The following CDK11B variants were observed in gnomAD, a reference collection of about 807,000 sequenced individuals.
CDK11B encodes the protein cyclin-dependent kinase 11B.
CDK11B carries 37 observed loss-of-function variants against 84.0 expected under a neutral mutation model. That is an observed-to-expected ratio of 0.44 (90% CI 0.34 to 0.58). The LOEUF (loss-of-function observed/expected upper bound fraction) is 0.58, where lower values mean the gene tolerates loss of function less well. Ranked by LOEUF, CDK11B falls within the 20% of genes least tolerant of loss-of-function variation. The probability of loss-of-function intolerance (pLI) is 0.02; values close to 1 mark genes in which losing one functional copy is unlikely to be tolerated. For missense variants in CDK11B, 427 were observed against 834.0 expected (o/e 0.51, Z 6.01); for synonymous variants, 269 against 309.8 (o/e 0.87, Z 1.38).
At chr1:1,646,729 G>T (rs772152810) in intron 5 of CDK11B, 4 of 519,912 alleles carry the variant, frequency 7.7e-6, no homozygotes, top group Non-Finnish European at 1.5e-5. Flanking sequence ...ACCAGTCTCT[G>T]CTTCTCAGGG....
chr1:1,652,048 C>T (rs1410591890), intron 4 of CDK11B, among the ~76,000 whole-genome samples: 3 of 151,840 alleles, frequency 2.0e-5, no homozygotes, highest in African/African-American at 7.2e-5. Context: ...CTGTGACACA[C>T]GCATGCTTTT....
intron 11 of CDK11B, among the ~76,000 whole-genome samples, chr1:1,638,853 C>T (rs1252167869): frequency 6.6e-6 from 1 of 151,956 alleles, no homozygotes; most frequent in Admixed American, 6.6e-5. Flanking sequence ...GTAATTCCAG[C>T]ACTTTGGGAG....
Position 1,654,219 on chromosome 1 carries a change from G to A in CDK11B, c.227+1150C>T, listed in dbSNP as rs183443787. 1.1e-3 allele frequency: 486 copies of A among 449,854 alleles called. 1 individual carries two copies. The highest frequency in any genetic ancestry group is 1.9e-3 in the Non-Finnish European group (420 of 224,932). The allele number at this position is 449,854 out of a possible 1,614,324, so 27.9% of individuals were successfully genotyped here. ...AGCTAGATATGAGAAGAAAACAAACGAGAAACAGTTCATGGCACAGGAAGA... is the reference window on the plus strand; with the variant it reads ...AGCTAGATATGAGAAGAAAACAAACAAGAAACAGTTCATGGCACAGGAAGA... On this transcript the variant is annotated intron_variant, in intron 3 of 19. Transcript: ENST00000341832.
At position 1,650,370 on chromosome 1, in the gene CDK11B, C is replaced by CTTT. The variant is rs1214383150; in HGVS notation, c.356-736_356-734dup. 8.1e-4 allele frequency among the ~76,000 whole-genome samples: 98 copies of CTTT among 120,542 alleles called. 5 individuals carry two copies. The highest frequency in any genetic ancestry group is 2.7e-3 in the African/African-American group (83 of 30,440). 79.1% of individuals were successfully genotyped at this position (120,542 alleles called of 152,430 possible). ...AGTAATCCTAATTTTTCTTTTTTTT[C>CTTT]TTTTTTTTTTTTGGAGATGGAGTCT... On this transcript the variant is annotated intron_variant, in intron 4 of 19. Transcript: ENST00000341832.
At chr1:1,650,068 G>A (rs1441443637) in intron 4 of CDK11B, among the ~76,000 whole-genome samples, 2,103 of 145,974 alleles carry the variant, frequency 0.014, 28 homozygotes, top group African/African-American at 0.041. Context: ...GGTCAGATCG[G>A]GACCATCCTG....
chr1:1,637,447 T>A lies in CDK11B; in HGVS notation c.1531A>T (p.Lys511Ter). ...TGTTTCATGGTCTCCATCAGGCTCT[T>A]GAGGTCGTGCTCCACATAGTTCATC... ...IVMNYVEHDL[K>*]SLMETMKQPF... The change falls in exon 14 of 20, where the codon AAG (lysine) becomes TAG (stop). Residue 511 changes from lysine (K) to a stop codon, truncating the protein, a stop_gained. Coordinates refer to ENST00000341832, the MANE Select transcript of CDK11B (RefSeq NM_033486.3). LOFTEE classifies it high-confidence loss of function. 2.5e-6 allele frequency: 4 copies of A among 1,613,740 alleles called. No homozygotes were observed. The highest frequency in any genetic ancestry group is 3.4e-6 in the Non-Finnish European group (4 of 1,179,698).
intron 5 of CDK11B, among the ~76,000 whole-genome samples, chr1:1,648,481 T>C (rs1641459682): frequency 6.6e-6 from 1 of 151,012 alleles, no homozygotes; most frequent in African/African-American, 2.5e-5. Context: ...CATCTTTACA[T>C]GCTGTGTACC....
chr1:1,652,993 G>A (rs1316527399), intron 3 of CDK11B, among the ~76,000 whole-genome samples: 1 of 151,326 alleles, frequency 6.6e-6, no homozygotes, highest in African/African-American at 2.4e-5. Context: ...AAAGTGCTGG[G>A]ATTACAGGCG....
At chr1:1,650,300 A>G (rs1393946444) in intron 4 of CDK11B, among the ~76,000 whole-genome samples, 1 of 150,032 alleles carries the variant, frequency 6.7e-6, no homozygotes, top group African/African-American at 2.5e-5. Context: ...TAAATCAAGA[A>G]CAGTAAATAT....
Position 1,655,943 on chromosome 1 carries a change from ACT to A in CDK11B, c.112-461_112-460del, listed in dbSNP as rs1185836363. Among the ~76,000 whole-genome samples, 3 of 152,134 alleles carry A rather than the reference ACT, an allele frequency of 2.0e-5. No individual in the cohort carries two copies. In the East Asian group the frequency reaches 5.8e-4, roughly 29 times the overall value. ...CAAATCTTATCACATTAAAATTACAACTCTCTGTAATCTGAAACCTGAGATGA... is the reference window on the plus strand; with the variant it reads ...CAAATCTTATCACATTAAAATTACAACTCTGTAATCTGAAACCTGAGATGA... On this transcript the variant is annotated intron_variant, in intron 2 of 19. Transcript: ENST00000341832.
intron 5 of CDK11B, among the ~76,000 whole-genome samples, 168 bp downstream of exon 5, chr1:1,649,331 C>T (rs1386352853): frequency 2.0e-5 from 3 of 151,824 alleles, no homozygotes; most frequent in Non-Finnish European, 4.4e-5. Flanking sequence ...TCCATCTCCT[C>T]ACCTCATGAT....
At chr1:1,654,407 A>T (rs1441791336) in intron 3 of CDK11B, among the ~76,000 whole-genome samples, 1 of 152,122 alleles carries the variant, frequency 6.6e-6, no homozygotes, top group East Asian at 1.9e-4. Context: ...CATGAGGGGC[A>T]CCTGCTATGG....
intron 5 of CDK11B, among the ~76,000 whole-genome samples, chr1:1,649,286 A>G (rs1223463610): frequency 6.6e-6 from 1 of 151,934 alleles, no homozygotes; most frequent in Admixed American, 6.6e-5. Context: ...TTTTTTTAGT[A>G]GAGACGGGGT....
In CDK11B at chr1:1,657,405, CTCT is replaced by C. The variant is rs753954755; in HGVS notation, c.78_80del (p.Glu28del). ...TTAAGCGTTTTATCTCTGCTTTCTCCTCTTGTTCCTTCCTTCGTTTCTTTTCCT... is the reference window on the plus strand; with the variant it reads ...TTAAGCGTTTTATCTCTGCTTTCTCCTGTTCCTTCCTTCGTTTCTTTTCCT... On this transcript the variant is annotated inframe_deletion, in exon 2 of 20. Coordinates refer to ENST00000341832, the MANE Select transcript of CDK11B (RefSeq NM_033486.3). The C allele has an allele frequency of 1.3e-6, 2 of 1,593,334 alleles. No homozygotes were observed. The highest frequency in any genetic ancestry group is 1.1e-5 in the South Asian group (1 of 87,858).
Position 1,636,957 on chromosome 1 carries a change from G to C in CDK11B, c.1740C>G (p.Ala580=), listed in dbSNP as rs770832823. The part of the protein sequence containing the change: ...LAREYGSPLK[A]YTPVVVTLWY... Reference sequence around the variant, plus strand: ...ACAGGGTCACCACGACCGGGGTGTAGGCCTTCAGAGGGGATCCGTACTCCC... The same window carrying C: ...ACAGGGTCACCACGACCGGGGTGTACGCCTTCAGAGGGGATCCGTACTCCC... The change falls in exon 16 of 20, where the codon GCC becomes GCG. Residue 580 remains alanine, a synonymous_variant. Coordinates refer to ENST00000341832, the MANE Select transcript of CDK11B (RefSeq NM_033486.3). 4 of 1,609,836 alleles carry C rather than the reference G, an allele frequency of 2.5e-6. No individual in the cohort carries two copies. The East Asian group carries it at 8.9e-5, about 36-fold the overall frequency.
At chr1:1,638,039 C>T (rs1217506433) in intron 12 of CDK11B, among the ~76,000 whole-genome samples, 156 bp from the exon 13 acceptor site, 10 of 152,316 alleles carry the variant, frequency 6.6e-5, no homozygotes, top group Admixed American at 2.0e-4. Flanking sequence ...ACCAGGAGAA[C>T]GCCCCAGCTG....
At chr1:1,651,490 G>A (rs1175818467) in intron 4 of CDK11B, among the ~76,000 whole-genome samples, 3 of 139,360 alleles carry the variant, frequency 2.2e-5, no homozygotes, top group Non-Finnish European at 4.5e-5. Flanking sequence ...CCTCTGAATG[G>A]TCTGTGACAC....
In CDK11B at chr1:1,639,923, G is replaced by A. The variant is rs544384282; in HGVS notation, c.1251+354C>T. Among the ~76,000 whole-genome samples the A allele has an allele frequency of 1.1e-4, 16 of 151,774 alleles. No homozygotes were observed. The South Asian group carries it at 3.1e-3, about 30-fold the overall frequency. ...CAGATGCCGGTAACAAGGCCTTGGT[G>A]CCTACATAACCCGCCCACGCAGGGG... On this transcript the variant is annotated intron_variant, in intron 11 of 19. Coordinates refer to ENST00000341832, the MANE Select transcript of CDK11B (RefSeq NM_033486.3).
At chr1:1,650,419 G>A (rs1302083622) in intron 4 of CDK11B, among the ~76,000 whole-genome samples, 12 of 137,024 alleles carry the variant, frequency 8.8e-5, no homozygotes, top group Non-Finnish European at 1.7e-4. Flanking sequence ...AGGCTGGAGT[G>A]CAGTGGCGCA....
Sources: gnomAD v4.1 joint callset for allele counts (sites outside exome capture counted in the v4.1 genomes callset) on GRCh38, gnomAD v4.1.1 for gene constraint, MANE v1.5 for transcripts, NCBI Gene and HGNC (gene_info 2026-07-23, HGNC 2026-07-21) for gene names.